Variants in PDE10A observed in about 807,000 individuals in gnomAD.
PDE10A encodes the protein cAMP and cAMP-inhibited cGMP 3',5'-cyclic phosphodiesterase 10A.
A neutral mutation model predicts 97.7 loss-of-function variants in PDE10A; 39 were observed. That is an observed-to-expected ratio of 0.40 (90% CI 0.31 to 0.52). The LOEUF (loss-of-function observed/expected upper bound fraction) is 0.52. Among genes scored for constraint, PDE10A ranks in the 20% least tolerant of loss-of-function variants. The probability of loss-of-function intolerance (pLI) is 0.56; values close to 1 mark genes in which losing one functional copy is unlikely to be tolerated. For missense variants in PDE10A, 731 were observed against 1,047.8 expected (o/e 0.70, Z 4.17); for synonymous variants, 371 against 376.8 (o/e 0.98, Z 0.18).
At chr6:165,394,231 C>T (rs1275683525) in intron 15 of PDE10A, among the ~76,000 whole-genome samples, 1 of 152,100 alleles carries the variant, frequency 6.6e-6, no homozygotes, top group Non-Finnish European at 1.5e-5. Flanking sequence ...TCCCATCCCC[C>T]AACAGGCCCC....
intron 1 of PDE10A, among the ~76,000 whole-genome samples, chr6:165,589,070 T>G (rs1786093146): frequency 6.6e-6 from 1 of 152,226 alleles, no homozygotes; most frequent in South Asian, 2.1e-4. Context: ...ATTAATATAT[T>G]GCCAACATAT....
chr6:165,703,267 C>T (rs2128444205), intron 1 of PDE10A, among the ~76,000 whole-genome samples: 1 of 152,282 alleles, frequency 6.6e-6, no homozygotes, highest in Non-Finnish European at 1.5e-5. Flanking sequence ...GTCCTGTTCC[C>T]TTCTTGAGAA....
At chr6:165,799,920 T>C (rs769812799) in intron 1 of PDE10A, among the ~76,000 whole-genome samples, 2 of 152,214 alleles carry the variant, frequency 1.3e-5, no homozygotes, top group Non-Finnish European at 2.9e-5. Context: ...CCAGGTCATC[T>C]GGATAGTGTG....
intron 1 of PDE10A, chr6:165,775,386 C>G (rs78375762): frequency 0.12 from 18,607 of 152,226 alleles, 1,540 homozygotes; most frequent in Middle Eastern, 0.2. Flanking sequence ...ACAATAGCCT[C>G]CACCGTAACA....
intron 2 of PDE10A, among the ~76,000 whole-genome samples, chr6:165,488,461 G>A (rs1193336534): frequency 3.3e-5 from 5 of 152,156 alleles, no homozygotes; most frequent in Non-Finnish European, 5.9e-5. Context: ...CAAAATCTGG[G>A]AAAATGGTGG....
intron 1 of PDE10A, among the ~76,000 whole-genome samples, chr6:165,801,310 T>C (rs1475328557): frequency 2.0e-5 from 3 of 152,232 alleles, no homozygotes; most frequent in Non-Finnish European, 2.9e-5. Context: ...TTTGGGAGGC[T>C]GAGGCAGGTG....
chr6:165,410,826 C>T (rs185192347), intron 13 of PDE10A, among the ~76,000 whole-genome samples: 32 of 151,134 alleles, frequency 2.1e-4, no homozygotes, highest in African/African-American at 7.6e-4. Flanking sequence ...CGGTGGCTCA[C>T]GCCTGTAATC....
chr6:165,397,680 C>T (rs901261674), intron 13 of PDE10A, among the ~76,000 whole-genome samples: 9 of 119,060 alleles, frequency 7.6e-5, no homozygotes, highest in East Asian at 4.5e-4. Context: ...CTAGCCTGGG[C>T]GACAACGGTG....
intron 1 of PDE10A, among the ~76,000 whole-genome samples, chr6:165,645,732 T>G (rs1789360973): frequency 6.6e-6 from 1 of 151,440 alleles, no homozygotes; most frequent in Non-Finnish European, 1.5e-5. Context: ...TGTGCACCTG[T>G]AATCCCAGCT....
intron 18 of PDE10A, among the ~76,000 whole-genome samples, chr6:165,374,398 A>G (rs1784475885): frequency 6.6e-6 from 1 of 152,044 alleles, no homozygotes; most frequent in African/African-American, 2.4e-5. Flanking sequence ...TAATGTAAAG[A>G]AATATGTGTA....
chr6:165,724,275 T>G (rs113867929), intron 1 of PDE10A, among the ~76,000 whole-genome samples: 81 of 152,318 alleles, frequency 5.3e-4, no homozygotes, highest in African/African-American at 1.9e-3. Context: ...GGGCTCAGAT[T>G]TTTTACCTAT....
intron 1 of PDE10A, among the ~76,000 whole-genome samples, chr6:165,692,128 G>A (rs9459476): frequency 0.036 from 5,552 of 152,262 alleles, 320 homozygotes; most frequent in African/African-American, 0.12. Context: ...TTCCTGGGCC[G>A]GTGAGTGCAG....
At chr6:165,426,363 G>A (rs145424941) in intron 10 of PDE10A, among the ~76,000 whole-genome samples, 5 of 152,258 alleles carry the variant, frequency 3.3e-5, no homozygotes, top group East Asian at 1.9e-4. Context: ...AGCATCCAGC[G>A]TCCAGAAAGA....
intron 1 of PDE10A, among the ~76,000 whole-genome samples, chr6:165,852,926 C>G (rs780499215): frequency 6.6e-6 from 1 of 152,238 alleles, no homozygotes; most frequent in Non-Finnish European, 1.5e-5. Context: ...CTGCCTCCTG[C>G]GATCTGGTTT....
chr6:165,602,105 C>T (rs1334324511), intron 1 of PDE10A, among the ~76,000 whole-genome samples: 2 of 152,182 alleles, frequency 1.3e-5, no homozygotes, highest in Non-Finnish European at 2.9e-5. Flanking sequence ...CACTAGTCCC[C>T]AGCCTCAGCA....
chr6:165,629,878 G>GT (rs200492366), intron 1 of PDE10A, among the ~76,000 whole-genome samples: 3,669 of 136,932 alleles, frequency 0.027, 162 homozygotes, highest in African/African-American at 0.098. Context: ...ATGAATTTTT[G>GT]TTTTTTTTTA....
intron 1 of PDE10A, among the ~76,000 whole-genome samples, chr6:165,868,502 G>C (rs1035261313): frequency 3.3e-5 from 5 of 151,624 alleles, no homozygotes; most frequent in Non-Finnish European, 7.4e-5. Flanking sequence ...AAAGTAACAG[G>C]ATTGAATCAG....
intron 15 of PDE10A, among the ~76,000 whole-genome samples, chr6:165,393,305 AATT>A (rs1187034436): frequency 6.6e-6 from 1 of 152,052 alleles, no homozygotes; most frequent in Non-Finnish European, 1.5e-5. Flanking sequence ...TACACACTCA[AATT>A]ATTAAGTCAC....
intron 1 of PDE10A, among the ~76,000 whole-genome samples, chr6:165,961,337 T>C (rs1562329301): frequency 6.6e-6 from 1 of 152,200 alleles, no homozygotes; most frequent in Non-Finnish European, 1.5e-5. Context: ...ACCTTTCTTC[T>C]CTATAGAGTG....
Sources: gnomAD v4.1 joint callset for allele counts (sites outside exome capture counted in the v4.1 genomes callset) on GRCh38, gnomAD v4.1.1 for gene constraint, MANE v1.5 for transcripts, NCBI Gene and HGNC (gene_info 2026-07-23, HGNC 2026-07-21) for gene names.